Variants in CPAMD8 observed in about 807,000 individuals in gnomAD.
The protein encoded by CPAMD8 is C3 and PZP like alpha-2-macroglobulin domain containing 8, also known as C3 and PZP-like alpha-2-macroglobulin domain-containing protein 8.
CPAMD8 carries 146 observed loss-of-function variants against 224.7 expected under a neutral mutation model. The ratio of observed to expected loss-of-function variants is 0.65; its 90% CI spans 0.57 to 0.75. CPAMD8 has a LOEUF of 0.75. Among genes scored for constraint, CPAMD8 ranks in the 30% least tolerant of loss-of-function variants. The pLI is 0.00. For synonymous variants in CPAMD8, 966 were observed against 1,044.6 expected, an observed-to-expected ratio of 0.92 and a Z score of 1.45; for missense variants, 2,301 against 2,537.5, an observed-to-expected ratio of 0.91 and a Z score of 2.00.
chr19:16,956,703 T>C, intron 19 of CPAMD8, among the ~76,000 whole-genome samples: 1 of 151,966 alleles, frequency 6.6e-6, no homozygotes, highest in Non-Finnish European at 1.5e-5. Context: ...AGTCTTGCTC[T>C]GTCACCCAGG....
At chr19:16,909,047 G>A (rs2052627084) in intron 29 of CPAMD8, among the ~76,000 whole-genome samples, 1 of 152,216 alleles carries the variant, frequency 6.6e-6, no homozygotes, top group Non-Finnish European at 1.5e-5. Flanking sequence ...AGGGGTCAAG[G>A]TCATTTGCTG....
chr19:16,956,337 C>T (rs978997560), intron 19 of CPAMD8, among the ~76,000 whole-genome samples: 1 of 152,132 alleles, frequency 6.6e-6, no homozygotes, highest in African/African-American at 2.4e-5. Flanking sequence ...AGCTTGGGCC[C>T]TACATTGAGG....
At position 16,963,377 on chromosome 19, in the gene CPAMD8, G is replaced by T. The variant is rs149718191; in HGVS notation, c.2214-5462C>A. Among the ~76,000 whole-genome samples, 419 of 151,848 alleles carry T rather than the reference G, an allele frequency of 2.8e-3. 2 individuals carry two copies. Among genetic ancestry groups the T allele is most frequent in the African/African-American group, 9.8e-3 (405 of 41,396 alleles). Reference sequence around the variant, plus strand: ...ACCAAGCAAATGGAAAGCAAAAAAAGGCAGGGGTTGCAATCCTAGTCTCTG... The same window carrying T: ...ACCAAGCAAATGGAAAGCAAAAAAATGCAGGGGTTGCAATCCTAGTCTCTG... On this transcript the variant is annotated intron_variant, in intron 18 of 41. Transcript: ENST00000443236.
Position 16,912,296 on chromosome 19 carries a change from A to G in CPAMD8, c.3861+2128T>C, listed in dbSNP as rs367944267. Among the ~76,000 whole-genome samples the G allele has an allele frequency of 8.3e-4, 127 of 152,302 alleles. 2 individuals are homozygous for G. Among genetic ancestry groups the G allele is most frequent in the African/African-American group, 3.0e-3 (124 of 41,584 alleles). ...GATCTAAGAGACCAGAACTCAGAAGACCAGGGAGAAACAACTGCTGCCCTG... is the reference window on the plus strand; with the variant it reads ...GATCTAAGAGACCAGAACTCAGAAGGCCAGGGAGAAACAACTGCTGCCCTG... On this transcript the variant is annotated intron_variant, in intron 29 of 41. Coordinates refer to ENST00000443236, the MANE Select transcript of CPAMD8 (RefSeq NM_015692.5).
chr19:17,001,250 T>G (rs10427090), intron 9 of CPAMD8, among the ~76,000 whole-genome samples: 120,386 of 149,026 alleles, frequency 0.81, 48,700 homozygotes, highest in African/African-American at 0.82. Context: ...TTGAGCCCGG[T>G]AGGCAGAGGT....
chr19:17,013,385 C>T (rs2123167609), intron 3 of CPAMD8: 1 of 151,794 alleles, frequency 6.6e-6, no homozygotes, highest in East Asian at 1.9e-4. Context: ...GTGTCAGGCA[C>T]CTGTAGTTCC....
chr19:16,931,856 G>C (rs1045523948), intron 23 of CPAMD8, among the ~76,000 whole-genome samples: 9 of 152,100 alleles, frequency 5.9e-5, no homozygotes, highest in African/African-American at 1.9e-4. Flanking sequence ...AAATCATATG[G>C]AGACTACACT....
At chr19:16,966,855 A>T (rs1299833029) in intron 18 of CPAMD8, among the ~76,000 whole-genome samples, 1 of 152,190 alleles carries the variant, frequency 6.6e-6, no homozygotes, top group Admixed American at 6.6e-5. Context: ...GCTGGAGAGG[A>T]TGTGGAGAAA....
At chr19:16,962,844 T>C (rs575411905) in intron 18 of CPAMD8, among the ~76,000 whole-genome samples, 1 of 152,334 alleles carries the variant, frequency 6.6e-6, no homozygotes, top group African/African-American at 2.4e-5. Context: ...AGCAGATCTC[T>C]TGGCAGAAAC....
At position 16,976,116 on chromosome 19, in the gene CPAMD8, A is replaced by G; in HGVS notation, c.1794T>C (p.Pro598=). The part of the protein sequence containing the change: ...SVTYSANETQ[P]GEVVDLRIRA... ...TGATCCGCAGGTCGACAACCTCCCCAGGTTGGGTCTCATTTGCTGAATACG... is the reference window on the plus strand; with the variant it reads ...TGATCCGCAGGTCGACAACCTCCCCGGGTTGGGTCTCATTTGCTGAATACG... Residue 598 remains proline (P), a synonymous_variant, in exon 16 of 42, where the codon CCT becomes CCC. Coordinates refer to ENST00000443236, the MANE Select transcript of CPAMD8 (RefSeq NM_015692.5). The G allele has an allele frequency of 6.2e-7, 1 of 1,612,554 alleles. No individual in the cohort carries two copies. Among genetic ancestry groups the G allele is most frequent in the Non-Finnish European group, 8.5e-7 (1 of 1,179,202 alleles).
chr19:16,993,704 A>G lies in CPAMD8; in HGVS notation c.1096-118T>C. 4.3e-6 allele frequency: 4 copies of G among 929,084 alleles called. No homozygotes were observed. The South Asian group carries it at 7.0e-5, about 16-fold the overall frequency. 57.6% of individuals were successfully genotyped at this position (929,084 alleles called of 1,614,324 possible). On this transcript the variant is annotated intron_variant, in intron 11 of 41. Coordinates refer to ENST00000443236, the MANE Select transcript of CPAMD8 (RefSeq NM_015692.5). ...GCAGGCTTCTTTGTAGAAATTGACA[A>G]ACTGCTCCTGAAATTCACAGGGCAT...
In CPAMD8 at chr19:16,899,400, C is replaced by A; in HGVS notation, c.4848+75G>T. 1 of 776,804 alleles carries A rather than the reference C, an allele frequency of 1.3e-6. No homozygotes were observed. The highest frequency in any genetic ancestry group is 1.4e-5 in the South Asian group (1 of 73,180). 48.1% of individuals were successfully genotyped at this position (776,804 alleles called of 1,614,324 possible). On this transcript the variant is annotated intron_variant, in intron 37 of 41. Coordinates refer to ENST00000443236, the MANE Select transcript of CPAMD8 (RefSeq NM_015692.5). The surrounding 1 kb of genome is among the most constrained non-coding windows in gnomAD (Gnocchi z 5.4). ...TACAAGATACTTGCAGGGAGCCACA[C>A]CAGGCAGTGACCGGTGCACCCTCAC...
intron 1 of CPAMD8, among the ~76,000 whole-genome samples, chr19:17,023,867 G>A (rs1366072781): frequency 6.6e-6 from 1 of 152,086 alleles, no homozygotes; most frequent in African/African-American, 2.4e-5. Context: ...CAGGCCCACT[G>A]CACCTGGCCT....
intron 11 of CPAMD8, among the ~76,000 whole-genome samples, chr19:16,994,780 A>G (rs1453765748): frequency 6.6e-6 from 1 of 151,914 alleles, no homozygotes; most frequent in Non-Finnish European, 1.5e-5. Context: ...TTGGTCTCCC[A>G]AAGTGTGAGC....
intron 27 of CPAMD8, among the ~76,000 whole-genome samples, chr19:16,916,607 C>T (rs955623796): frequency 3.6e-4 from 54 of 151,782 alleles, no homozygotes; most frequent in Middle Eastern, 6.8e-3. Context: ...GGCGTGGTGG[C>T]GGGCACCTGT....
chr19:16,938,420 G>C lies in CPAMD8; in HGVS notation c.2820C>G (p.Thr940=), dbSNP rs13345399. The C allele has an allele frequency of 9.5e-3, 14,949 of 1,575,126 alleles. 1,216 individuals are homozygous for C. In the African/African-American group the frequency reaches 0.18, roughly 19 times the overall value. ...VEAEGVPRAY[T]YSAFFCPSER... is the part of the protein sequence containing the mutation. The stretch of plus-strand genomic sequence containing the variant: ...CACTGGGACAGAAGAATGCGCTGTA[G>C]GTGTACGCCCGGGGGACTCCTTCCG... The change falls in exon 23 of 42, where the codon ACC becomes ACG. Residue 940 remains threonine, a synonymous_variant. Transcript: ENST00000443236.
intron 18 of CPAMD8, among the ~76,000 whole-genome samples, chr19:16,959,238 A>G (rs544608223): frequency 2.0e-5 from 3 of 150,580 alleles, no homozygotes; most frequent in African/African-American, 7.3e-5. Context: ...CAGTGGTGCA[A>G]TCTCTGCTCA....
At chr19:17,011,439 C>A in intron 5 of CPAMD8, 25 bp downstream of exon 5, 2 of 1,614,168 alleles carry the variant, frequency 1.2e-6, no homozygotes, top group Non-Finnish European at 1.7e-6. Context: ...CACTCCGGGC[C>A]CGCGGTTTTA....
rs767688544 is a variant in CPAMD8, at chr19:16,897,877, G to A, written c.4954+12C>T. 2 of 1,598,626 alleles carry A rather than the reference G, an allele frequency of 1.3e-6. No individual in the cohort carries two copies. The highest frequency in any genetic ancestry group is 1.7e-6 in the Non-Finnish European group (2 of 1,173,082). On this transcript the variant is annotated intron_variant, in intron 38 of 41. Transcript: ENST00000443236. Reference sequence around the variant, plus strand: ...ACCGGGCCGGGCCGGGGGTGCGGGCGCGCGGGCCTACCGGGTTCGTAGTAG... The same window carrying A: ...ACCGGGCCGGGCCGGGGGTGCGGGCACGCGGGCCTACCGGGTTCGTAGTAG...
Sources: gnomAD v4.1 joint callset for allele counts (sites outside exome capture counted in the v4.1 genomes callset) on GRCh38, gnomAD v4.1.1 for gene constraint, Gnocchi (gnomAD v3.1) non-coding constraint, MANE v1.5 for transcripts, NCBI Gene and HGNC (gene_info 2026-07-23, HGNC 2026-07-21) for gene names.